PRKG1: variants seen among roughly 807,000 people sequenced by gnomAD.
The protein encoded by PRKG1 is cGMP-dependent protein kinase 1.
PRKG1 carries 35 observed loss-of-function variants against 88.1 expected under a neutral mutation model. The observed-to-expected ratio is 0.40, with a 90% CI of 0.30 to 0.53. The LOEUF is 0.53. PRKG1 is among the 20% of genes least tolerant of loss of function. The pLI is 0.59. For synonymous variants in PRKG1, 303 were observed against 292.5 expected, an observed-to-expected ratio of 1.04 and a Z score of -0.37; for missense variants, 540 against 839.8, an observed-to-expected ratio of 0.64 and a Z score of 4.41.
At chr10:51,508,604 C>G (rs1377047846) in intron 3 of PRKG1, among the ~76,000 whole-genome samples, 2 of 152,042 alleles carry the variant, frequency 1.3e-5, no homozygotes, top group African/African-American at 2.4e-5. Flanking sequence ...TCTAATCACT[C>G]TTGTGGATAT....
intron 2 of PRKG1, among the ~76,000 whole-genome samples, chr10:51,273,471 C>G (rs1840035407): frequency 6.6e-6 from 1 of 152,062 alleles, no homozygotes; most frequent in Admixed American, 6.6e-5. Flanking sequence ...CTACAGTGAG[C>G]CATGATCGCG....
intron 2 of PRKG1, among the ~76,000 whole-genome samples, chr10:51,240,589 A>G (rs993518496): frequency 6.6e-6 from 1 of 152,248 alleles, no homozygotes; most frequent in African/African-American, 2.4e-5. Flanking sequence ...TTTAATATCT[A>G]GAAATGTATT....
At chr10:51,167,961 A>G (rs575805461) in intron 2 of PRKG1, among the ~76,000 whole-genome samples, 1 of 152,288 alleles carries the variant, frequency 6.6e-6, no homozygotes, top group South Asian at 2.1e-4. Context: ...GCTCTCTTCT[A>G]ATTAAAGTAG....
intron 3 of PRKG1, among the ~76,000 whole-genome samples, chr10:51,491,246 T>C (rs776760485): frequency 6.6e-6 from 1 of 152,082 alleles, no homozygotes; most frequent in Non-Finnish European, 1.5e-5. Context: ...TTAGGAAGTA[T>C]ATAAATGTTA....
chr10:51,869,690 G>T (rs142976112), intron 4 of PRKG1, among the ~76,000 whole-genome samples: 2 of 151,874 alleles, frequency 1.3e-5, no homozygotes, highest in South Asian at 2.1e-4. Context: ...TCTGACTTAC[G>T]CATAATTATG....
intron 6 of PRKG1, among the ~76,000 whole-genome samples, chr10:52,054,914 C>T (rs1220834885): frequency 6.6e-6 from 1 of 152,120 alleles, no homozygotes; most frequent in African/African-American, 2.4e-5. Flanking sequence ...GCAGGTGGAT[C>T]ACTCGAGCTC....
intron 10 of PRKG1, among the ~76,000 whole-genome samples, chr10:52,262,260 G>GT (rs111966707): frequency 0.016 from 2,408 of 151,434 alleles, 72 homozygotes; most frequent in African/African-American, 0.055. Flanking sequence ...TATGAAGCTG[G>GT]TTTTTTTTGT....
chr10:52,291,756 G>A (rs1483389007), intron 17 of PRKG1, among the ~76,000 whole-genome samples: 1 of 151,610 alleles, frequency 6.6e-6, no homozygotes, highest in Non-Finnish European at 1.5e-5. Context: ...ATAGTCATTT[G>A]GGTATATACC....
intron 3 of PRKG1, among the ~76,000 whole-genome samples, chr10:51,753,397 T>C (rs563533476): frequency 1.3e-5 from 2 of 152,314 alleles, no homozygotes; most frequent in African/African-American, 4.8e-5. Context: ...ATGGTCTATT[T>C]ATATTTATCT....
intron 3 of PRKG1, among the ~76,000 whole-genome samples, chr10:51,713,160 A>T (rs1260942644): frequency 6.6e-6 from 1 of 152,192 alleles, no homozygotes; most frequent in Non-Finnish European, 1.5e-5. Context: ...TTATTCCCCC[A>T]AAGGAAACAT....
At chr10:51,017,468 A>G (rs544012293) in intron 1 of PRKG1, among the ~76,000 whole-genome samples, 1 of 152,328 alleles carries the variant, frequency 6.6e-6, no homozygotes, top group South Asian at 2.1e-4. Flanking sequence ...TTGAATGAAA[A>G]TAAGATAATG....
intron 7 of PRKG1, among the ~76,000 whole-genome samples, chr10:52,112,955 C>T (rs1474039849): frequency 6.6e-6 from 1 of 152,108 alleles, no homozygotes; most frequent in Non-Finnish European, 1.5e-5. Flanking sequence ...TGTGGTACCT[C>T]GAGTAAGATT....
chr10:51,272,864 G>T (rs1413090277), intron 2 of PRKG1, among the ~76,000 whole-genome samples: 1 of 152,166 alleles, frequency 6.6e-6, no homozygotes, highest in African/African-American at 2.4e-5. Flanking sequence ...TGAACCAGAA[G>T]TCTTGGCTTT....
At chr10:51,225,982 T>A (rs899920899) in intron 2 of PRKG1, among the ~76,000 whole-genome samples, 14 of 152,184 alleles carry the variant, frequency 9.2e-5, no homozygotes, top group African/African-American at 3.4e-4. Context: ...GGTGAATGGA[T>A]TGTCTGAGCT....
chr10:52,288,146 C>G (rs1842162366), intron 14 of PRKG1, among the ~76,000 whole-genome samples: 1 of 152,002 alleles, frequency 6.6e-6, no homozygotes. Context: ...CAGAGTAGGC[C>G]TTTTGGAGGA....
chr10:51,534,940 T>C (rs1170436190), intron 3 of PRKG1, among the ~76,000 whole-genome samples: 1 of 152,126 alleles, frequency 6.6e-6, no homozygotes, highest in Non-Finnish European at 1.5e-5. Context: ...TAAATCAATA[T>C]CATGCCAACC....
At chr10:51,178,347 A>C (rs1171656717) in intron 2 of PRKG1, among the ~76,000 whole-genome samples, 1 of 152,186 alleles carries the variant, frequency 6.6e-6, no homozygotes, top group African/African-American at 2.4e-5. Flanking sequence ...CATACATTTA[A>C]AAAATATTGG....
chr10:52,153,959 G>T (rs371166241), intron 8 of PRKG1, among the ~76,000 whole-genome samples: 1 of 152,006 alleles, frequency 6.6e-6, no homozygotes, highest in Admixed American at 6.5e-5. Flanking sequence ...TGGTCAGGCT[G>T]GTCTCGAACT....
intron 8 of PRKG1, among the ~76,000 whole-genome samples, chr10:52,153,871 G>C (rs557774508): frequency 6.6e-6 from 1 of 152,126 alleles, no homozygotes; most frequent in South Asian, 2.1e-4. Context: ...TCAGCCTCCT[G>C]AGTAGCTGGG....
Sources: gnomAD v4.1 joint callset for allele counts (sites outside exome capture counted in the v4.1 genomes callset) on GRCh38, gnomAD v4.1.1 for gene constraint, MANE v1.5 for transcripts, NCBI Gene and HGNC (gene_info 2026-07-23, HGNC 2026-07-21) for gene names.